CRACD: variants seen among roughly 807,000 people sequenced by gnomAD.
CRACD encodes the protein capping protein-inhibiting regulator of actin dynamics.
In CRACD, 56 loss-of-function variants were observed where a neutral mutation model predicts 106.8. The observed-to-expected ratio is 0.52, with a 90% CI of 0.42 to 0.66. CRACD has a LOEUF of 0.66. Among genes scored for constraint, CRACD ranks in the 30% least tolerant of loss-of-function variants. The probability of loss-of-function intolerance (pLI) is 0.00; values close to 1 mark genes in which losing one functional copy is unlikely to be tolerated. For synonymous variants in CRACD, 754 were observed against 670.8 expected, an observed-to-expected ratio of 1.12 and a Z score of -1.92; for missense variants, 1,730 against 1,623.2, an observed-to-expected ratio of 1.07 and a Z score of -1.13.
At chr4:56,244,496 T>C (rs1245871115) in intron 2 of CRACD, among the ~76,000 whole-genome samples, 1 of 152,212 alleles carries the variant, frequency 6.6e-6, no homozygotes, top group Non-Finnish European at 1.5e-5. Flanking sequence ...AAAGCTTATA[T>C]TGGCTTTTGA....
intron 2 of CRACD, among the ~76,000 whole-genome samples, chr4:56,184,802 A>G (rs939223100): frequency 2.0e-5 from 3 of 152,220 alleles, no homozygotes; most frequent in Non-Finnish European, 4.4e-5. Flanking sequence ...GAATGGAAAC[A>G]AGATCCTCCT....
Position 56,307,541 on chromosome 4 carries a change from T to G in CRACD, c.127T>G (p.Leu43Val), listed in dbSNP as rs749499831. 1 of 1,614,110 alleles carries G rather than the reference T, an allele frequency of 6.2e-7. No homozygotes were observed. The highest frequency in any genetic ancestry group is 1.7e-5 in the Admixed American group (1 of 60,024). The change falls in exon 5 of 11, where the codon TTG becomes GTG. Residue 43 changes from leucine to valine, a missense_variant. Physicochemically the swap from Leu to Val is conservative, Grantham distance 32. Around this residue, in one of 5 missense-constraint regions of CRACD, gnomAD observed 1,620 missense variants for 1,481.6 expected, o/e 1.09. Transcript: ENST00000682029. ...TTCTTCTGTTTCTCTCCAGCAACAG[T>G]TGGGCAAGAATATCAAGTTTGGGCA... Reference protein sequence around the residue: ...LGKVKTLQQQLGKNIKFGQRS... With the variant: ...LGKVKTLQQQVGKNIKFGQRS...
rs1745355296 is a variant in CRACD at position 56,314,271 on chromosome 4, G to GAGA, written c.770_772dup (p.Glu257_Arg258insLys). The stretch of plus-strand genomic sequence containing the variant: ...AGAGGAGCAGAGGCTGCAGGCGCTG[G>GAGA]AGAGGAGGCTTTGGGAAGAGAACAG... On this transcript the variant is annotated inframe_insertion, in exon 8 of 11. Coordinates refer to ENST00000682029, the MANE Select transcript of CRACD (RefSeq NM_001393381.1). The surrounding 1 kb of genome is among the most constrained non-coding windows in gnomAD (Gnocchi z 4.4). 2 of 1,563,490 alleles carry GAGA rather than the reference G, an allele frequency of 1.3e-6. No individual in the cohort carries two copies. The highest frequency in any genetic ancestry group is 1.7e-4 in the Middle Eastern group (1 of 6,004).
chr4:56,181,630 G>C (rs542800953), intron 2 of CRACD, among the ~76,000 whole-genome samples: 98 of 152,260 alleles, frequency 6.4e-4, no homozygotes, highest in African/African-American at 2.3e-3. Context: ...TCAAGTTAGG[G>C]CCATGCTCCC....
At chr4:56,189,498 T>C (rs1737263974) in intron 2 of CRACD, among the ~76,000 whole-genome samples, 2 of 147,586 alleles carry the variant, frequency 1.4e-5, no homozygotes, top group East Asian at 4.3e-4. Flanking sequence ...GCTGCACCCA[T>C]TAACTCGTCA....
intron 1 of CRACD, among the ~76,000 whole-genome samples, chr4:56,082,681 A>G (rs1351082102): frequency 1.3e-5 from 2 of 152,142 alleles, no homozygotes; most frequent in African/African-American, 4.8e-5. Flanking sequence ...ACTTTGAAGA[A>G]AGGATGGGAT....
intron 3 of CRACD, among the ~76,000 whole-genome samples, chr4:56,284,291 G>GAAAAAAA (rs1743201801): frequency 7.3e-3 from 10 of 1,374 alleles, no homozygotes; most frequent in Non-Finnish European, 0.013. Flanking sequence ...CCATCCTAAA[G>GAAAAAAA]TAAAAAAAAA....
At chr4:56,149,520 A>G (rs1735513162) in intron 1 of CRACD, among the ~76,000 whole-genome samples, 1 of 152,250 alleles carries the variant, frequency 6.6e-6, no homozygotes, top group Non-Finnish European at 1.5e-5. Context: ...AAATTTGCAC[A>G]TAAAACTCCT....
chr4:56,088,303 A>G lies in CRACD; in HGVS notation c.-336+39004A>G, dbSNP rs569583200. 3.9e-5 allele frequency among the ~76,000 whole-genome samples: 6 copies of G among 152,082 alleles called. No individual in the cohort carries two copies. The South Asian group carries it at 1.2e-3, about 32-fold the overall frequency. ...AGTTTTTTCAGTCCTTACTGGGGCC[A>G]CCCTCAAGTAGGCCCTGGTGTCTAT... is the stretch of plus-strand genomic sequence containing the variant. On this transcript the variant is annotated intron_variant, in intron 1 of 10. Transcript: ENST00000682029.
intron 2 of CRACD, among the ~76,000 whole-genome samples, chr4:56,214,677 C>A (rs865835809): frequency 0.011 from 777 of 68,836 alleles, 12 homozygotes; most frequent in Middle Eastern, 0.035. Context: ...CTCTCTCTCT[C>A]TCTCTATATA....
chr4:56,306,362 T>C (rs952875303), intron 4 of CRACD, among the ~76,000 whole-genome samples: 1 of 151,868 alleles, frequency 6.6e-6, no homozygotes, highest in Non-Finnish European at 1.5e-5. Context: ...GCTGTGGTGG[T>C]GCATGCCTGT....
At chr4:56,317,478 A>C (rs1577910800) in intron 8 of CRACD, among the ~76,000 whole-genome samples, 1 of 152,202 alleles carries the variant, frequency 6.6e-6, no homozygotes, top group East Asian at 1.9e-4. Context: ...CAGTTAGATG[A>C]ATGCCTTTTC....
chr4:56,308,727 G>A, intron 5 of CRACD: 1 of 985,218 alleles, frequency 1.0e-6, no homozygotes. Flanking sequence ...CCCTTTGTGT[G>A]GTAGGTCAAG....
intron 2 of CRACD, among the ~76,000 whole-genome samples, chr4:56,264,896 A>G (rs1741914971): frequency 6.6e-6 from 1 of 152,204 alleles, no homozygotes; most frequent in Non-Finnish European, 1.5e-5. Flanking sequence ...GGGGTCCCTG[A>G]CTTCCCGCAA....
Position 56,082,298 on chromosome 4 carries a change from C to T in CRACD, c.-336+32999C>T, listed in dbSNP as rs533395372. On this transcript the variant is annotated intron_variant, in intron 1 of 10. Transcript: ENST00000682029. ...GAAGGAGCTTGACATGTTTGTGGAA[C>T]AAAAAGATGAAATCCAAAAGATGAG... Among the ~76,000 whole-genome samples, 5 of 152,158 alleles carry T rather than the reference C, an allele frequency of 3.3e-5. No individual in the cohort carries two copies. In the East Asian group the frequency reaches 9.7e-4, roughly 29 times the overall value.
chr4:56,328,131 A>G lies in CRACD; in HGVS notation c.*327A>G. 2.7e-6 allele frequency: 1 copy of G among 374,194 alleles called. No homozygotes were observed. Among genetic ancestry groups the G allele is most frequent in the East Asian group, 6.6e-5 (1 of 15,220 alleles). The allele number at this position is 374,194 out of a possible 1,614,324, so 23.2% of individuals were successfully genotyped here. ...GCCTTGCACACACACCCACCCACAC[A>G]CCATTCAGAACATGTACTTTTGCCA... is the stretch of plus-strand genomic sequence containing the variant. On this transcript the variant is annotated 3_prime_UTR_variant, in exon 11 of 11. Coordinates refer to ENST00000682029, the MANE Select transcript of CRACD (RefSeq NM_001393381.1).
intron 3 of CRACD, among the ~76,000 whole-genome samples, chr4:56,274,225 G>T (rs1742535170): frequency 6.6e-6 from 1 of 152,172 alleles, no homozygotes; most frequent in Non-Finnish European, 1.5e-5. Context: ...AATCCATTTT[G>T]ATTTTACTTC....
chr4:56,093,507 T>A (rs766100107), intron 1 of CRACD, among the ~76,000 whole-genome samples: 9 of 152,218 alleles, frequency 5.9e-5, no homozygotes, highest in Non-Finnish European at 1.2e-4. Flanking sequence ...CCTGTAGAGT[T>A]CCCTGGGCAC....
Position 56,270,819 on chromosome 4 carries a change from C to T in CRACD, c.-188-1502C>T, listed in dbSNP as rs150061414. On this transcript the variant is annotated intron_variant, in intron 2 of 10. Transcript: ENST00000682029. ...TTTTTAGGCCAGGCCCAGTGGTTCA[C>T]GCCTGTAATCACAGCACTTTGGGAG... is the stretch of plus-strand genomic sequence containing the variant. 3.2e-3 allele frequency among the ~76,000 whole-genome samples: 488 copies of T among 152,188 alleles called. 5 individuals carry two copies. The highest frequency in any genetic ancestry group is 0.011 in the African/African-American group (437 of 41,538).
Sources: gnomAD v4.1 joint callset for allele counts (sites outside exome capture counted in the v4.1 genomes callset) on GRCh38, gnomAD v4.1.1 for gene constraint, gnomAD v4.1.1 regional missense constraint, Gnocchi (gnomAD v3.1) non-coding constraint, MANE v1.5 for transcripts, NCBI Gene and HGNC (gene_info 2026-07-23, HGNC 2026-07-21) for gene names.